TPO: variants seen among roughly 807,000 people sequenced by gnomAD.
TPO encodes the protein thyroid microsomal antigen.
TPO carries 78 observed loss-of-function variants against 96.9 expected under a neutral mutation model. The ratio of observed to expected loss-of-function variants is 0.81; its 90% CI spans 0.67 to 0.97. TPO has a LOEUF of 0.97. TPO is among the 50% of genes least tolerant of loss of function. TPO has a pLI of 0.00. For synonymous variants in TPO, 547 were observed against 538.0 expected (o/e 1.02, Z -0.23); for missense variants, 1,252 against 1,274.8 (o/e 0.98, Z 0.27).
At chr2:1,521,805 T>A (rs1478987759) in intron 15 of TPO, among the ~76,000 whole-genome samples, 1 of 151,980 alleles carries the variant, frequency 6.6e-6, no homozygotes, top group Non-Finnish European at 1.5e-5. Context: ...GAGACCCACG[T>A]CTGCCCTGGA....
intron 15 of TPO, among the ~76,000 whole-genome samples, chr2:1,527,453 C>A (rs1676855598): frequency 6.8e-6 from 1 of 146,556 alleles, no homozygotes; most frequent in Admixed American, 6.8e-5. Context: ...TCCTCAAATA[C>A]CCCACTGTGT....
At chr2:1,513,785 T>C (rs1286179969) in intron 14 of TPO, among the ~76,000 whole-genome samples, 8 of 152,226 alleles carry the variant, frequency 5.3e-5, no homozygotes, top group African/African-American at 1.9e-4. Flanking sequence ...GATATAGTTA[T>C]ACTGATTTAG....
intron 3 of TPO, among the ~76,000 whole-genome samples, chr2:1,427,268 G>A (rs981144207): frequency 2.0e-5 from 3 of 152,248 alleles, no homozygotes; most frequent in South Asian, 4.1e-4. Context: ...AGGCTCTGGG[G>A]AAGAGCATCC....
At chr2:1,530,878 A>T (rs1677979896) in intron 15 of TPO, among the ~76,000 whole-genome samples, 6 of 91,418 alleles carry the variant, frequency 6.6e-5, no homozygotes, top group African/African-American at 1.3e-4. Flanking sequence ...CAACCTCCGC[A>T]AATCCCCCCA....
Position 1,432,029 on chromosome 2 carries a change from G to A in TPO, c.180-1409G>A, listed in dbSNP as rs572228763. Reference sequence around the variant, plus strand: ...GGACCTGTCCACTCACACACCTGCCGTGGTCACTTGGGCAGTGCTGGCCTC... The same window carrying A: ...GGACCTGTCCACTCACACACCTGCCATGGTCACTTGGGCAGTGCTGGCCTC... On this transcript the variant is annotated intron_variant, in intron 3 of 16. Transcript: ENST00000329066. Among the ~76,000 whole-genome samples the A allele has an allele frequency of 1.6e-4, 24 of 152,374 alleles. 1 individual carries two copies. Among genetic ancestry groups the A allele is most frequent in the African/African-American group, 5.3e-4 (22 of 41,584 alleles).
rs78628369 is a variant in TPO at position 1,428,512 on chromosome 2, C to T, written c.180-4926C>T. 7.1e-3 allele frequency among the ~76,000 whole-genome samples: 1,077 copies of T among 152,296 alleles called. 6 individuals carry two copies. Among genetic ancestry groups the T allele is most frequent in the African/African-American group, 0.023 (968 of 41,556 alleles). On this transcript the variant is annotated intron_variant, in intron 3 of 16. Transcript: ENST00000329066. ...GGGATCCACTGGGTGATACCCTCCA[C>T]GTCACTGTCAAGAGCTGAGCTCAGT... is the stretch of plus-strand genomic sequence containing the variant.
rs1275973736 is a variant in TPO at position 1,484,787 on chromosome 2, G to A, written c.1530G>A (p.Glu510=). The change falls in exon 9 of 17, where the codon GAG becomes GAA. Residue 510 remains glutamate (E), a synonymous_variant. Coordinates refer to ENST00000329066, the MANE Select transcript of TPO (RefSeq NM_001206744.2). ...GGAGGCTGGACGCCAGCTTCCAGGA[G>A]CACCCCGACCTGCCCGGGCTGTGGC... is the stretch of plus-strand genomic sequence containing the variant. ...LVRRLDASFQ[E]HPDLPGLWLH... 1 of 1,614,092 alleles carries A rather than the reference G, an allele frequency of 6.2e-7. No individual in the cohort carries two copies. Among genetic ancestry groups the A allele is most frequent in the Non-Finnish European group, 8.5e-7 (1 of 1,180,040 alleles).
chr2:1,539,915 A>G (rs1443795101), intron 15 of TPO, among the ~76,000 whole-genome samples: 2 of 152,182 alleles, frequency 1.3e-5, no homozygotes, highest in African/African-American at 2.4e-5. Context: ...CAAGGGAAAC[A>G]AACAGCTGGA....
chr2:1,396,658 G>A (rs1201130977), intron 1 of TPO, among the ~76,000 whole-genome samples: 1 of 152,124 alleles, frequency 6.6e-6, no homozygotes, highest in African/African-American at 2.4e-5. Flanking sequence ...CGCGTCACGG[G>A]GAGACAGTCT....
chr2:1,446,581 T>G (rs1419120177), intron 5 of TPO, among the ~76,000 whole-genome samples: 9 of 152,216 alleles, frequency 5.9e-5, no homozygotes, highest in African/African-American at 1.2e-4. Flanking sequence ...ATACATTCAT[T>G]GGCCATTTGG....
chr2:1,424,711 A>G (rs1664143318), intron 3 of TPO, among the ~76,000 whole-genome samples: 1 of 152,198 alleles, frequency 6.6e-6, no homozygotes, highest in Non-Finnish European at 1.5e-5. Flanking sequence ...TCCTTAAGAA[A>G]TACTGTTTCT....
intron 10 of TPO, among the ~76,000 whole-genome samples, chr2:1,489,317 C>A (rs566858977): frequency 6.6e-6 from 1 of 152,094 alleles, no homozygotes. Flanking sequence ...CCCACACATG[C>A]CCAGCACACA....
intron 14 of TPO, among the ~76,000 whole-genome samples, chr2:1,511,981 CTT>C (rs775168597): frequency 7.2e-5 from 11 of 152,140 alleles, no homozygotes; most frequent in Non-Finnish European, 1.5e-4. Flanking sequence ...TTTCAAACGT[CTT>C]GTTTTAGTTT....
chr2:1,496,654 T>G lies in TPO; in HGVS notation c.2275T>G (p.Ser759Ala). ...TGGGGACTTTGTGCACTGTGAGGAG[T>G]CTGGGAGGCGCGTGCTGGTGTATTC... ...ENGDFVHCEE[S>A]GRRVLVYSCR... The change falls in exon 13 of 17, where the codon TCT becomes GCT. Residue 759 changes from serine to alanine, a missense_variant. Physicochemically the swap from Ser to Ala is moderately conservative, Grantham distance 99. Transcript: ENST00000329066. The G allele has an allele frequency of 6.2e-7, 1 of 1,613,568 alleles. No homozygotes were observed. Among genetic ancestry groups the G allele is most frequent in the Non-Finnish European group, 8.5e-7 (1 of 1,179,896 alleles).
chr2:1,491,865 G>A, intron 10 of TPO, among the ~76,000 whole-genome samples: 1 of 152,234 alleles, frequency 6.6e-6, no homozygotes, highest in East Asian at 1.9e-4. Context: ...GGCTGGGATG[G>A]CCCATCTGGA....
At chr2:1,441,232 T>C (rs1292627966) in intron 5 of TPO, among the ~76,000 whole-genome samples, 1 of 152,140 alleles carries the variant, frequency 6.6e-6, no homozygotes, top group Non-Finnish European at 1.5e-5. Flanking sequence ...CCGCAGGAGC[T>C]ACCGTGTTGG....
intron 1 of TPO, among the ~76,000 whole-genome samples, chr2:1,405,706 G>A (rs1662240833): frequency 6.6e-6 from 1 of 152,128 alleles, no homozygotes; most frequent in South Asian, 2.1e-4. Flanking sequence ...GAAATTAATT[G>A]CTTCTTTATC....
At chr2:1,377,235 G>T (rs2148337134) in intron 1 of TPO, among the ~76,000 whole-genome samples, 1 of 152,252 alleles carries the variant, frequency 6.6e-6, no homozygotes, top group South Asian at 2.1e-4. Flanking sequence ...CAGCACCTCT[G>T]GTTATTTTTC....
At chr2:1,524,777 C>G (rs1297665011) in intron 15 of TPO, among the ~76,000 whole-genome samples, 3 of 136,778 alleles carry the variant, frequency 2.2e-5, no homozygotes, top group Admixed American at 7.4e-5. Context: ...CCAAATCGCC[C>G]CACTATGAGC....
Sources: gnomAD v4.1 joint callset for allele counts (sites outside exome capture counted in the v4.1 genomes callset) on GRCh38, gnomAD v4.1.1 for gene constraint, MANE v1.5 for transcripts, NCBI Gene and HGNC (gene_info 2026-07-23, HGNC 2026-07-21) for gene names.